The following BATF variants were observed in gnomAD, a reference collection of about 807,000 sequenced individuals.
BATF encodes basic leucine zipper ATF-like transcription factor.
BATF carries 5 observed loss-of-function variants against 13.7 expected under a neutral mutation model. The ratio of observed to expected loss-of-function variants is 0.36; its 90% CI spans 0.19 to 0.77. The LOEUF (loss-of-function observed/expected upper bound fraction) is 0.77. Among genes scored for constraint, BATF ranks in the 30% least tolerant of loss-of-function variants. The pLI, the probability that BATF is intolerant of heterozygous loss-of-function variation, is 0.51. For synonymous variants in BATF, 72 were observed against 67.5 expected (o/e 1.07, Z -0.33); for missense variants, 124 against 163.0 (o/e 0.76, Z 1.30).
At chr14:75,540,336 A>G (rs1359023703) in intron 2 of BATF, among the ~76,000 whole-genome samples, 2 of 152,138 alleles carry the variant, frequency 1.3e-5, no homozygotes, top group Non-Finnish European at 2.9e-5. Context: ...GGGATTTCCC[A>G]GAATGTTCCC....
At chr14:75,536,943 T>C (rs567447009) in intron 2 of BATF, among the ~76,000 whole-genome samples, 8 of 151,464 alleles carry the variant, frequency 5.3e-5, no homozygotes, top group African/African-American at 1.4e-4. Context: ...AAAGCAATAT[T>C]GTCATTTTTT....
Position 75,525,045 on chromosome 14 carries a change from A to G in BATF, c.64-39A>G, listed in dbSNP as rs780663511. The G allele has an allele frequency of 1.2e-5, 19 of 1,542,042 alleles. No individual in the cohort carries two copies. The African/African-American group carries it at 2.6e-4, about 21-fold the overall frequency. ...GAGCCTGCTTTCACTCAGAAGGGAG[A>G]TGCAGACCCATGTAATCCTCCCCGT... On this transcript the variant is annotated intron_variant, in intron 1 of 2. Coordinates refer to ENST00000286639, the MANE Select transcript of BATF (RefSeq NM_006399.5).
rs754402071 is a variant in BATF, at chr14:75,544,562, C to CAGGAAA, written c.169-1899_169-1898insGGAAAA. Among the ~76,000 whole-genome samples the CAGGAAA allele has an allele frequency of 7.3e-4, 24 of 33,018 alleles. 2 individuals carry two copies. Among genetic ancestry groups the CAGGAAA allele is most frequent in the Non-Finnish European group, 1.0e-3 (17 of 16,448 alleles). 21.7% of individuals were successfully genotyped at this position (33,018 alleles called of 152,430 possible). On this transcript the variant is annotated intron_variant, in intron 2 of 2. Transcript: ENST00000286639. The stretch of plus-strand genomic sequence containing the variant: ...CCTGGGTGACAGAGTGAGACTGTCT[C>CAGGAAA]AAAAAAAAAAAAAAAAAAAAAAAAA...
In BATF at chr14:75,546,827, G is replaced by A. The variant is rs1887995940; in HGVS notation, c.*156G>A. On this transcript the variant is annotated 3_prime_UTR_variant, in exon 3 of 3. Coordinates refer to ENST00000286639, the MANE Select transcript of BATF (RefSeq NM_006399.5). ...AACTGTCACGACTGGAAGGGCGTGAGGCCTCCCAGCAGTGCCGCAGCGTTT... is the reference window on the plus strand; with the variant it reads ...AACTGTCACGACTGGAAGGGCGTGAAGCCTCCCAGCAGTGCCGCAGCGTTT... 1 of 1,061,036 alleles carries A rather than the reference G, an allele frequency of 9.4e-7. No homozygotes were observed. The highest frequency in any genetic ancestry group is 1.4e-6 in the Non-Finnish European group (1 of 716,352). 65.7% of individuals were successfully genotyped at this position (1,061,036 alleles called of 1,614,324 possible). A position where few individuals can be genotyped will look rare whatever the true frequency, so the allele number is the denominator to read the frequency against.
At chr14:75,545,503 A>G (rs143070242) in intron 2 of BATF, among the ~76,000 whole-genome samples, 72 of 149,522 alleles carry the variant, frequency 4.8e-4, no homozygotes, top group African/African-American at 1.6e-3. Flanking sequence ...CCAAAATGCT[A>G]GGATTATAGG....
chr14:75,525,943 T>C (rs920095601), intron 2 of BATF, among the ~76,000 whole-genome samples: 9 of 152,212 alleles, frequency 5.9e-5, no homozygotes. Flanking sequence ...CAGAGCATTA[T>C]TAAAGTCTTA....
chr14:75,528,063 G>A (rs901880028), intron 2 of BATF, among the ~76,000 whole-genome samples: 4 of 152,132 alleles, frequency 2.6e-5, no homozygotes, highest in African/African-American at 9.7e-5. Context: ...CTGAGATTCA[G>A]GTGAAAAGTC....
intron 2 of BATF, among the ~76,000 whole-genome samples, chr14:75,539,362 C>A (rs562333126): frequency 1.4e-5 from 2 of 142,542 alleles, no homozygotes; most frequent in Non-Finnish European, 3.0e-5. Flanking sequence ...CTTCTGCTTA[C>A]GTATCTTTGG....
chr14:75,536,722 TTAAAATAAAA>T (rs56280822), intron 2 of BATF, among the ~76,000 whole-genome samples: 3 of 125,766 alleles, frequency 2.4e-5, no homozygotes, highest in Non-Finnish European at 3.3e-5. Context: ...GATCCTGTCT[TTAAAATAAAA>T]TAAAATAAAA....
At position 75,546,665 on chromosome 14, in the gene BATF, G is replaced by A. The variant is rs1270719526; in HGVS notation, c.372G>A (p.Gln124=). The A allele has an allele frequency of 1.3e-6, 2 of 1,596,374 alleles. No individual in the cohort carries two copies. The highest frequency in any genetic ancestry group is 1.1e-5 in the South Asian group (1 of 89,210). Residue 124 remains glutamine, a synonymous_variant, in exon 3 of 3, where the codon CAG becomes CAA. Transcript: ENST00000286639. ...CTCATGTCAGCTCCCCGCGCTTCCA[G>A]CCCTGAGCTTCCGATGCGGGGAGAG... ...HQPHVSSPRF[Q]P is the part of the protein sequence containing the mutation.
intron 2 of BATF, among the ~76,000 whole-genome samples, chr14:75,537,026 C>T (rs1224984498): frequency 6.6e-6 from 1 of 151,366 alleles, no homozygotes; most frequent in Admixed American, 6.6e-5. Context: ...TATTATCCTA[C>T]ATGAACACAC....
At chr14:75,533,852 G>A (rs1043617989) in intron 2 of BATF, among the ~76,000 whole-genome samples, 20 of 152,172 alleles carry the variant, frequency 1.3e-4, no homozygotes, top group African/African-American at 4.6e-4. Flanking sequence ...TTTCCAATGA[G>A]GAAACTGAGG....
chr14:75,544,562 C>CAGG (rs754402071), intron 2 of BATF, among the ~76,000 whole-genome samples: 3,952 of 32,932 alleles, frequency 0.12, 468 homozygotes, highest in Non-Finnish European at 0.18. Context: ...GAGACTGTCT[C>CAGG]AAAAAAAAAA....
At chr14:75,538,013 C>G (rs968332819) in intron 2 of BATF, among the ~76,000 whole-genome samples, 1 of 152,138 alleles carries the variant, frequency 6.6e-6, no homozygotes, top group Non-Finnish European at 1.5e-5. Flanking sequence ...GGCTGGAGTG[C>G]AGTGGTGCGA....
chr14:75,530,773 C>A (rs895281318), intron 2 of BATF, among the ~76,000 whole-genome samples: 3 of 152,180 alleles, frequency 2.0e-5, no homozygotes, highest in African/African-American at 7.2e-5. Flanking sequence ...CTTGGCCTCC[C>A]AAAGTGCTGG....
At chr14:75,537,444 T>A (rs1296354398) in intron 2 of BATF, among the ~76,000 whole-genome samples, 1 of 152,220 alleles carries the variant, frequency 6.6e-6, no homozygotes, top group Non-Finnish European at 1.5e-5. Flanking sequence ...AGATTATAAG[T>A]TGGCAGTCAA....
intron 2 of BATF, among the ~76,000 whole-genome samples, chr14:75,540,119 G>A (rs1381458806): frequency 2.6e-5 from 4 of 152,136 alleles, no homozygotes; most frequent in Non-Finnish European, 5.9e-5. Context: ...CAAGGAGAAG[G>A]CCAAGACACT....
chr14:75,524,412 C>T (rs1324893649), intron 1 of BATF, among the ~76,000 whole-genome samples: 4 of 152,154 alleles, frequency 2.6e-5, no homozygotes, highest in Admixed American at 2.0e-4. Context: ...CTGGGATGCA[C>T]CCTCAGCTCA....
At chr14:75,541,205 A>G (rs1000749197) in intron 2 of BATF, among the ~76,000 whole-genome samples, 1 of 152,210 alleles carries the variant, frequency 6.6e-6, no homozygotes, top group African/African-American at 2.4e-5. Context: ...CCTTAGACCT[A>G]TTAGATCAGA....
Sources: allele counts gnomAD v4.1 joint callset (sites outside exome capture counted in the v4.1 genomes callset), GRCh38; gene constraint gnomAD v4.1.1; transcripts MANE v1.5; gene names NCBI Gene and HGNC (gene_info 2026-07-23, HGNC 2026-07-21).